TESK2: variants seen among roughly 807,000 people sequenced by gnomAD.
The protein encoded by TESK2 is dual specificity testis-specific protein kinase 2.
In TESK2, 39 loss-of-function variants were observed where a neutral mutation model predicts 57.1. The observed-to-expected ratio is 0.68, with a 90% CI of 0.53 to 0.89. The LOEUF (loss-of-function observed/expected upper bound fraction) is 0.89, where lower values mean the gene tolerates loss of function less well. TESK2 is among the 40% of genes least tolerant of loss of function. TESK2 has a pLI of 0.00. For missense variants in TESK2, 646 were observed against 732.1 expected (o/e 0.88, Z 1.36); for synonymous variants, 249 against 267.9 (o/e 0.93, Z 0.69).
At chr1:45,418,854 C>T (rs1650349147) in intron 3 of TESK2, among the ~76,000 whole-genome samples, 1 of 152,018 alleles carries the variant, frequency 6.6e-6, no homozygotes, top group East Asian at 1.9e-4. Context: ...GCACGACATG[C>T]CTGCATCAAA....
chr1:45,403,621 A>G (rs1649721343), intron 3 of TESK2, among the ~76,000 whole-genome samples: 1 of 152,182 alleles, frequency 6.6e-6, no homozygotes, highest in Non-Finnish European at 1.5e-5. Context: ...AGCACTACAC[A>G]TAATAACAAG....
intron 1 of TESK2, among the ~76,000 whole-genome samples, chr1:45,469,046 T>C (rs1652663524): frequency 6.6e-6 from 1 of 152,186 alleles, no homozygotes; most frequent in Non-Finnish European, 1.5e-5. Flanking sequence ...CTTTTTCTTT[T>C]CTACATAGGT....
At chr1:45,477,991 A>G (rs1653068788) in intron 1 of TESK2, among the ~76,000 whole-genome samples, 2 of 152,088 alleles carry the variant, frequency 1.3e-5, no homozygotes. Flanking sequence ...CTCCACTCTC[A>G]CACTTTTTTC....
chr1:45,355,295 C>T lies in TESK2; in HGVS notation c.540+8G>A, dbSNP rs771631441. 6.2e-7 allele frequency: 1 copy of T among 1,613,730 alleles called. No individual in the cohort carries two copies. Among genetic ancestry groups the T allele is most frequent in the South Asian group, 1.1e-5 (1 of 90,950 alleles). On this transcript the variant is annotated splice_region_variant and intron_variant, in intron 5 of 10. Transcript: ENST00000372086. Reference sequence around the variant, plus strand: ...TCTCAATGAGTTGTGAGAGTAAAGCCTTCATACCTTAGATGTGAGGTCCCG... The same window carrying T: ...TCTCAATGAGTTGTGAGAGTAAAGCTTTCATACCTTAGATGTGAGGTCCCG...
rs78378913 is a variant in TESK2, at chr1:45,449,398, G to A, written c.222+8166C>T. Reference sequence around the variant, plus strand: ...GTCCACAAAAAAACCCCACACATGCGTGTTGACAGCAGCTTTATTCATAAT... The same window carrying A: ...GTCCACAAAAAAACCCCACACATGCATGTTGACAGCAGCTTTATTCATAAT... On this transcript the variant is annotated intron_variant, in intron 2 of 10. Coordinates refer to ENST00000372086, the MANE Select transcript of TESK2 (RefSeq NM_007170.3). Among the ~76,000 whole-genome samples, 92 of 152,138 alleles carry A rather than the reference G, an allele frequency of 6.0e-4. No homozygotes were observed. The East Asian group carries it at 0.013, about 21-fold the overall frequency.
chr1:45,475,454 G>A (rs1453259842), intron 1 of TESK2, among the ~76,000 whole-genome samples: 2 of 152,048 alleles, frequency 1.3e-5, no homozygotes, highest in Non-Finnish European at 2.9e-5. Context: ...TGATCCACCT[G>A]CCTCAGCCTC....
intron 3 of TESK2, among the ~76,000 whole-genome samples, chr1:45,418,259 C>A (rs1650330081): frequency 6.6e-6 from 1 of 152,056 alleles, no homozygotes; most frequent in Non-Finnish European, 1.5e-5. Flanking sequence ...AAAATATGAT[C>A]ATCTTAAAAA....
Position 45,344,759 on chromosome 1 carries a change from A to G in TESK2, c.*81T>C. 1 of 1,332,618 alleles carries G rather than the reference A, an allele frequency of 7.5e-7. No homozygotes were observed. The highest frequency in any genetic ancestry group is 1.0e-6 in the Non-Finnish European group (1 of 963,774). 82.5% of individuals were successfully genotyped at this position (1,332,618 alleles called of 1,614,324 possible). A position where few individuals can be genotyped will look rare whatever the true frequency, so the allele number is the denominator to read the frequency against. ...CTGCCTGCTCTGTAGGCTCCAGGGA[A>G]GAATCAAGGCTGTGCACCTAGGGGG... On this transcript the variant is annotated 3_prime_UTR_variant, in exon 11 of 11. Transcript: ENST00000372086.
At chr1:45,417,655 G>A (rs1002019302) in intron 3 of TESK2, among the ~76,000 whole-genome samples, 7 of 150,134 alleles carry the variant, frequency 4.7e-5, no homozygotes, top group South Asian at 2.1e-4. Context: ...GCGGTGGCGC[G>A]ATCTCGGCTC....
At position 45,452,032 on chromosome 1, in the gene TESK2, C is replaced by CAAAAAAAA. The variant is rs566363776; in HGVS notation, c.222+5524_222+5531dup. Among the ~76,000 whole-genome samples, 52 of 103,850 alleles carry CAAAAAAAA rather than the reference C, an allele frequency of 5.0e-4. 1 individual carries two copies. The highest frequency in any genetic ancestry group is 7.9e-4 in the Non-Finnish European group (41 of 51,806). The allele number at this position is 103,850 out of a possible 152,430, so 68.1% of individuals were successfully genotyped here. On this transcript the variant is annotated intron_variant, in intron 2 of 10. Transcript: ENST00000372086. ...TGGGAGACAGAACAAGACTCCGTCT[C>CAAAAAAAA]AAAAAAAAAAAAAAATTTATTTGGT...
intron 2 of TESK2, among the ~76,000 whole-genome samples, chr1:45,427,435 T>C (rs1399285115): frequency 1.3e-5 from 2 of 152,154 alleles, no homozygotes; most frequent in Non-Finnish European, 2.9e-5. Flanking sequence ...GGGAAATCGG[T>C]ATGTCAAATA....
At chr1:45,384,077 A>C (rs78154117) in intron 4 of TESK2, among the ~76,000 whole-genome samples, 43 of 152,330 alleles carry the variant, frequency 2.8e-4, no homozygotes, top group African/African-American at 1.0e-3. Context: ...TAATTTATAC[A>C]TGCCAGGCAC....
At chr1:45,420,088 C>A (rs1650409327) in intron 3 of TESK2, among the ~76,000 whole-genome samples, 1 of 152,108 alleles carries the variant, frequency 6.6e-6, no homozygotes, top group African/African-American at 2.4e-5. Context: ...AAGCATCCTG[C>A]ACATAAACCC....
At position 45,345,422 on chromosome 1, in the gene TESK2, A is replaced by G. The variant is rs55819814; in HGVS notation, c.1134T>C (p.Arg378=). Residue 378 remains arginine (R), a synonymous_variant, in exon 11 of 11, where the codon CGT becomes CGC. Coordinates refer to ENST00000372086, the MANE Select transcript of TESK2 (RefSeq NM_007170.3). Reference sequence around the variant, plus strand: ...AGTATGGGTCCAAGACACTCACTGTACGTGGGGGCTTACGGGAAAAGATAT... The same window carrying G: ...AGTATGGGTCCAAGACACTCACTGTGCGTGGGGGCTTACGGGAAAAGATAT... ...QSDIFSRKPP[R]TVSVLDPYYR... is the part of the protein sequence containing the mutation. The G allele has an allele frequency of 3.3e-4, 538 of 1,614,144 alleles. 2 individuals carry two copies. In the East Asian group the frequency reaches 0.011, roughly 32 times the overall value.
intron 3 of TESK2, among the ~76,000 whole-genome samples, chr1:45,387,411 G>A (rs1648948316): frequency 6.6e-6 from 1 of 152,078 alleles, no homozygotes; most frequent in Non-Finnish European, 1.5e-5. Flanking sequence ...TGATCATAAA[G>A]TAGGAGAAGA....
chr1:45,432,427 C>T (rs573310698), intron 2 of TESK2, among the ~76,000 whole-genome samples: 5 of 152,000 alleles, frequency 3.3e-5, no homozygotes, highest in East Asian at 4.0e-4. Context: ...CACGGTGGCT[C>T]ACGCCTGTAA....
intron 2 of TESK2, among the ~76,000 whole-genome samples, chr1:45,427,234 C>CAAAAAAAAAAAAA: frequency 7.7e-6 from 1 of 129,504 alleles, no homozygotes; most frequent in Non-Finnish European, 1.6e-5. Context: ...GACTCTGTCT[C>CAAAAAAAAAAAAA]AAAAAAAAAA....
At chr1:45,428,915 G>A (rs929764048) in intron 2 of TESK2, among the ~76,000 whole-genome samples, 17 of 131,290 alleles carry the variant, frequency 1.3e-4, no homozygotes, top group African/African-American at 2.0e-4. Context: ...TCCGCCTCCC[G>A]GGTTCACGCC....
chr1:45,383,710 T>A (rs1444489128), intron 4 of TESK2, among the ~76,000 whole-genome samples: 1 of 152,168 alleles, frequency 6.6e-6, no homozygotes, highest in Non-Finnish European at 1.5e-5. Flanking sequence ...CAATCACACA[T>A]GCAGGGAATG....
Sources: gnomAD v4.1 joint callset for allele counts (sites outside exome capture counted in the v4.1 genomes callset) on GRCh38, gnomAD v4.1.1 for gene constraint, MANE v1.5 for transcripts, NCBI Gene and HGNC (gene_info 2026-07-23, HGNC 2026-07-21) for gene names.